KHDRBS3: variants seen among roughly 807,000 people sequenced by gnomAD.
KHDRBS3 encodes KH domain-containing, RNA-binding, signal transduction-associated protein 3.
KHDRBS3 carries 23 observed loss-of-function variants against 45.6 expected under a neutral mutation model. The observed-to-expected ratio is 0.50, with a 90% confidence interval of 0.36 to 0.72. The LOEUF is 0.72. Ranked by LOEUF, KHDRBS3 falls within the 30% of genes least tolerant of loss-of-function variation. KHDRBS3 has a pLI of 0.00. For synonymous variants in KHDRBS3, 162 were observed against 156.5 expected (o/e 1.04, Z -0.26); for missense variants, 352 against 424.8 (o/e 0.83, Z 1.51).
chr8:135,637,434 A>G (rs10112691), intron 7 of KHDRBS3, among the ~76,000 whole-genome samples: 57,841 of 152,180 alleles, frequency 0.38, 12,460 homozygotes, highest in South Asian at 0.53. Context: ...CCTATCACAT[A>G]ATAAGCAGTT....
intron 5 of KHDRBS3, among the ~76,000 whole-genome samples, chr8:135,578,627 A>G (rs1161489856): frequency 2.0e-5 from 3 of 152,120 alleles, no homozygotes; most frequent in Admixed American, 6.5e-5. Context: ...TAGCTTTATA[A>G]TAAGTCTTGA....
chr8:135,617,259 TA>T (rs1829957437), intron 7 of KHDRBS3, among the ~76,000 whole-genome samples: 1 of 125,696 alleles, frequency 8.0e-6, no homozygotes, highest in African/African-American at 3.1e-5. Context: ...TATTTTATTT[TA>T]TTTTATTTTA....
At chr8:135,532,104 A>G (rs1215242860) in intron 2 of KHDRBS3, among the ~76,000 whole-genome samples, 1 of 152,088 alleles carries the variant, frequency 6.6e-6, no homozygotes, top group Admixed American at 6.5e-5. Context: ...TGAGGAGGCT[A>G]CTCCATTTCA....
chr8:135,627,599 T>G (rs1343200596), intron 7 of KHDRBS3, among the ~76,000 whole-genome samples: 3 of 152,242 alleles, frequency 2.0e-5, no homozygotes, highest in African/African-American at 7.2e-5. Flanking sequence ...CTTTTAGATT[T>G]TTTTCCTTTT....
rs113660161 is a variant in KHDRBS3, at chr8:135,520,383, A to G, written c.89-854A>G. ...CTTGTGCAACCAAATACTATGGGCC[A>G]TAGGGTGGATGAAATTTTATGCTAA... On this transcript the variant is annotated intron_variant, in intron 1 of 8. Coordinates refer to ENST00000355849, the MANE Select transcript of KHDRBS3 (RefSeq NM_006558.3). Among the ~76,000 whole-genome samples the G allele has an allele frequency of 3.9e-5, 6 of 152,316 alleles. 1 individual carries two copies. Among genetic ancestry groups the G allele is most frequent in the African/African-American group, 1.4e-4 (6 of 41,582 alleles).
At chr8:135,475,576 T>C (rs1037257651) in intron 1 of KHDRBS3, among the ~76,000 whole-genome samples, 3 of 152,022 alleles carry the variant, frequency 2.0e-5, no homozygotes, top group Non-Finnish European at 4.4e-5. Context: ...GCTCCCAAAG[T>C]GTAAGGAGCA....
chr8:135,602,750 C>T (rs1217966712), intron 6 of KHDRBS3, among the ~76,000 whole-genome samples: 1 of 152,184 alleles, frequency 6.6e-6, no homozygotes, highest in African/African-American at 2.4e-5. Flanking sequence ...GTCTCAACTT[C>T]ATCTTCACCC....
chr8:135,466,963 A>G (rs773188036), intron 1 of KHDRBS3, among the ~76,000 whole-genome samples: 10 of 152,218 alleles, frequency 6.6e-5, no homozygotes, highest in Non-Finnish European at 1.3e-4. Flanking sequence ...GTTGTCATAC[A>G]TTTTAAAATA....
rs556796944 is a variant in KHDRBS3, at chr8:135,471,408, C to T, written c.88+13454C>T. 4.6e-5 allele frequency among the ~76,000 whole-genome samples: 7 copies of T among 152,272 alleles called. No individual in the cohort carries two copies. The South Asian group carries it at 1.5e-3, about 32-fold the overall frequency. ...ATTGGAGAAGTTGCTGTTATTTCTC[C>T]CCTTGTTCAGTAAGGATCACATGCT... On this transcript the variant is annotated intron_variant, in intron 1 of 8. Coordinates refer to ENST00000355849, the MANE Select transcript of KHDRBS3 (RefSeq NM_006558.3).
chr8:135,621,513 A>G (rs999802959), intron 7 of KHDRBS3, among the ~76,000 whole-genome samples: 3 of 152,246 alleles, frequency 2.0e-5, no homozygotes, highest in Non-Finnish European at 2.9e-5. Context: ...AGTGCCTAAC[A>G]TACTTAAAAC....
chr8:135,539,669 T>C (rs1825949859), intron 2 of KHDRBS3: 1 of 152,226 alleles, frequency 6.6e-6, no homozygotes, highest in South Asian at 2.1e-4. Flanking sequence ...GGTAATATGG[T>C]CTGTGTTTTG....
intron 3 of KHDRBS3, 102 bp from the exon 4 acceptor site, chr8:135,548,652 T>C: frequency 1.1e-6 from 1 of 920,192 alleles, no homozygotes; most frequent in Non-Finnish European, 1.5e-6. Context: ...GCCAGATGGA[T>C]TGTTTTTATT....
Position 135,647,097 on chromosome 8 carries a change from ATGT to A in KHDRBS3, c.*17_*19del, listed in dbSNP as rs1331293977. On this transcript the variant is annotated 3_prime_UTR_variant, in exon 9 of 9. Coordinates refer to ENST00000355849, the MANE Select transcript of KHDRBS3 (RefSeq NM_006558.3). ...TGGCAGATACTGATTGTACTGTCTGATGTTGTGAAATAGCCAATCTCCACCAGT... is the reference window on the plus strand; with the variant it reads ...TGGCAGATACTGATTGTACTGTCTGATGTGAAATAGCCAATCTCCACCAGT... 3 of 1,440,288 alleles carry A rather than the reference ATGT, an allele frequency of 2.1e-6. No homozygotes were observed. Among genetic ancestry groups the A allele is most frequent in the African/African-American group, 1.4e-5 (1 of 71,474 alleles). The allele number at this position is 1,440,288 out of a possible 1,614,324, so 89.2% of individuals were successfully genotyped here. A position where few individuals can be genotyped will look rare whatever the true frequency, so the allele number is the denominator to read the frequency against.
At chr8:135,494,520 C>T (rs1385909311) in intron 1 of KHDRBS3, among the ~76,000 whole-genome samples, 1 of 152,054 alleles carries the variant, frequency 6.6e-6, no homozygotes, top group Non-Finnish European at 1.5e-5. Context: ...CCTCGTGATC[C>T]ACCCACCTCG....
chr8:135,477,326 C>T (rs1013283241), intron 1 of KHDRBS3, among the ~76,000 whole-genome samples: 1 of 152,054 alleles, frequency 6.6e-6, no homozygotes, highest in African/African-American at 2.4e-5. Flanking sequence ...GCTTTTTTTG[C>T]TGTGCTGTAA....
chr8:135,600,460 G>A (rs949667692), intron 6 of KHDRBS3, among the ~76,000 whole-genome samples: 4 of 152,106 alleles, frequency 2.6e-5, no homozygotes, highest in African/African-American at 9.7e-5. Flanking sequence ...ATTAAAAATA[G>A]CCTCATTGGC....
chr8:135,458,082 C>G, intron 1 of KHDRBS3, 128 bp downstream of exon 1: 4 of 1,394,904 alleles, frequency 2.9e-6, no homozygotes, highest in Non-Finnish European at 3.7e-6. Flanking sequence ...CCGGGTGGCC[C>G]CCGGGGTCGT....
intron 1 of KHDRBS3, among the ~76,000 whole-genome samples, chr8:135,466,530 TG>T (rs1310883605): frequency 1.3e-5 from 2 of 152,226 alleles, no homozygotes; most frequent in Admixed American, 1.3e-4. Context: ...ATGTTTATTT[TG>T]GGGGAAAATT....
chr8:135,551,022 A>G (rs936716997), intron 4 of KHDRBS3, among the ~76,000 whole-genome samples: 4 of 152,190 alleles, frequency 2.6e-5, no homozygotes, highest in African/African-American at 9.6e-5. Flanking sequence ...TTTCATTTTC[A>G]GATGATTACT....
Sources: allele counts gnomAD v4.1 joint callset (sites outside exome capture counted in the v4.1 genomes callset), GRCh38; gene constraint gnomAD v4.1.1; transcripts MANE v1.5; gene names NCBI Gene and HGNC (gene_info 2026-07-23, HGNC 2026-07-21).